Variants in GULP1 observed in about 807,000 individuals in gnomAD.
The protein encoded by GULP1 is PTB domain-containing engulfment adapter protein 1.
In GULP1, 19 loss-of-function variants were observed where a neutral mutation model predicts 40.9. That is an observed-to-expected ratio of 0.46 (90% CI 0.32 to 0.68). The LOEUF (loss-of-function observed/expected upper bound fraction) is 0.68, where lower values mean the gene tolerates loss of function less well. Among genes scored for constraint, GULP1 ranks in the 30% least tolerant of loss-of-function variants. GULP1 has a pLI of 0.03. For synonymous variants in GULP1, 119 were observed against 117.6 expected (o/e 1.01, Z -0.08); for missense variants, 312 against 362.2 (o/e 0.86, Z 1.12).
At chr2:188,411,610 A>G (rs573830887) in intron 2 of GULP1, among the ~76,000 whole-genome samples, 4 of 152,134 alleles carry the variant, frequency 2.6e-5, no homozygotes, top group Non-Finnish European at 5.9e-5. Flanking sequence ...TAAGATAACA[A>G]ATATCTTCAC....
chr2:188,460,861 G>A (rs1381917520), intron 2 of GULP1, among the ~76,000 whole-genome samples: 2 of 152,006 alleles, frequency 1.3e-5, no homozygotes, highest in Non-Finnish European at 2.9e-5. Flanking sequence ...ATCGTGAGGG[G>A]ATGTTGAATT....
chr2:188,580,485 G>A (rs1250469002), intron 9 of GULP1, among the ~76,000 whole-genome samples: 2 of 150,320 alleles, frequency 1.3e-5, no homozygotes, highest in African/African-American at 4.9e-5. Context: ...CCCGGGAGGC[G>A]GAGCTTGCAG....
intron 1 of GULP1, among the ~76,000 whole-genome samples, chr2:188,361,145 A>G (rs915307311): frequency 1.3e-5 from 2 of 152,190 alleles, no homozygotes; most frequent in African/African-American, 2.4e-5. Context: ...TTGTAAAATT[A>G]TTTGATAGAG....
At chr2:188,492,884 C>T (rs923750403) in intron 4 of GULP1, among the ~76,000 whole-genome samples, 1 of 151,982 alleles carries the variant, frequency 6.6e-6, no homozygotes, top group Non-Finnish European at 1.5e-5. Flanking sequence ...CAAATTTTGA[C>T]AGTAATGCAT....
intron 6 of GULP1, among the ~76,000 whole-genome samples, chr2:188,532,511 G>T (rs1028124890): frequency 1.7e-4 from 26 of 152,166 alleles, no homozygotes; most frequent in African/African-American, 5.1e-4. Flanking sequence ...AATGTGGCAT[G>T]ATGTTACCAG....
chr2:188,405,766 A>G (rs2052997035), intron 2 of GULP1, among the ~76,000 whole-genome samples: 1 of 152,212 alleles, frequency 6.6e-6, no homozygotes, highest in Non-Finnish European at 1.5e-5. Flanking sequence ...TGTGGACCAT[A>G]CCAAATGATC....
chr2:188,338,063 C>T (rs1051021285), intron 1 of GULP1, among the ~76,000 whole-genome samples: 1 of 151,832 alleles, frequency 6.6e-6, no homozygotes, highest in Non-Finnish European at 1.5e-5. Flanking sequence ...TTTGTAATTC[C>T]TTTAATTATA....
intron 5 of GULP1, among the ~76,000 whole-genome samples, chr2:188,527,431 T>C (rs778582147): frequency 5.3e-5 from 8 of 152,092 alleles, no homozygotes; most frequent in Non-Finnish European, 1.2e-4. Context: ...AGCCTTCCTA[T>C]ATGAAAACCT....
intron 1 of GULP1, among the ~76,000 whole-genome samples, chr2:188,381,417 A>G (rs2048989924): frequency 6.6e-6 from 1 of 152,140 alleles, no homozygotes; most frequent in South Asian, 2.1e-4. Flanking sequence ...AATTGAATTG[A>G]CCATTTCAAG....
At chr2:188,449,992 TTA>T (rs1409780574) in intron 2 of GULP1, among the ~76,000 whole-genome samples, 1 of 152,232 alleles carries the variant, frequency 6.6e-6, no homozygotes, top group Non-Finnish European at 1.5e-5. Context: ...AGATTTCAGC[TTA>T]TTTATTCTAA....
intron 3 of GULP1, among the ~76,000 whole-genome samples, chr2:188,481,668 T>C (rs2061457924): frequency 6.6e-6 from 1 of 152,030 alleles, no homozygotes; most frequent in East Asian, 1.9e-4. Context: ...TTAATACCTC[T>C]CTGCCTCAGG....
rs545593937 is a variant in GULP1 at position 188,533,290 on chromosome 2, C to G, written c.261+4095C>G. Among the ~76,000 whole-genome samples, 187 of 152,022 alleles carry G rather than the reference C, an allele frequency of 1.2e-3. 3 individuals are homozygous for G. Among genetic ancestry groups the G allele is most frequent in the Non-Finnish European group, 2.5e-4 (17 of 67,946 alleles). On this transcript the variant is annotated intron_variant, in intron 6 of 11. Transcript: ENST00000409830. ...CTGGGCTTAGAAAAAGTCTGTGGTA[C>G]AGCAACAGTAGAGAATAGAGAACCC... is the stretch of plus-strand genomic sequence containing the variant.
At chr2:188,301,789 A>G (rs1484050840) in intron 1 of GULP1, among the ~76,000 whole-genome samples, 1 of 152,196 alleles carries the variant, frequency 6.6e-6, no homozygotes, top group East Asian at 1.9e-4. Context: ...TATTTGTCCT[A>G]TCTGGAATAC....
chr2:188,402,554 A>C (rs773610719), intron 2 of GULP1, among the ~76,000 whole-genome samples: 20 of 152,102 alleles, frequency 1.3e-4, no homozygotes, highest in Non-Finnish European at 2.5e-4. Context: ...AAACAAGCTT[A>C]GATTTCAATA....
At chr2:188,536,365 ATG>A (rs1426322506) in intron 6 of GULP1, among the ~76,000 whole-genome samples, 2 of 152,160 alleles carry the variant, frequency 1.3e-5, no homozygotes, top group African/African-American at 4.8e-5. Flanking sequence ...ATTTCTGTAT[ATG>A]GTAAAAGGTA....
chr2:188,355,974 A>G (rs772294477), intron 1 of GULP1, among the ~76,000 whole-genome samples: 4 of 152,138 alleles, frequency 2.6e-5, no homozygotes, highest in Non-Finnish European at 5.9e-5. Context: ...ATTTGATAAA[A>G]TTCAACACAT....
chr2:188,445,857 T>C (rs1002631284), intron 2 of GULP1, among the ~76,000 whole-genome samples: 1 of 152,164 alleles, frequency 6.6e-6, no homozygotes, highest in African/African-American at 2.4e-5. Context: ...TTATAGATGG[T>C]TGGGGAAAGG....
chr2:188,448,573 A>G (rs1350766576), intron 2 of GULP1, among the ~76,000 whole-genome samples: 1 of 152,226 alleles, frequency 6.6e-6, no homozygotes, highest in African/African-American at 2.4e-5. Context: ...GGAAATATTT[A>G]GAACTTACAT....
chr2:188,537,417 C>A (rs947902841), intron 6 of GULP1, among the ~76,000 whole-genome samples: 1 of 151,968 alleles, frequency 6.6e-6, no homozygotes, highest in African/African-American at 2.4e-5. Context: ...TTTTCGAAGG[C>A]TTTTTCGACT....
Sources: gnomAD v4.1 joint callset for allele counts (sites outside exome capture counted in the v4.1 genomes callset) on GRCh38, gnomAD v4.1.1 for gene constraint, MANE v1.5 for transcripts, NCBI Gene and HGNC (gene_info 2026-07-23, HGNC 2026-07-21) for gene names.